The following IL1RAPL1 variants were observed in gnomAD, a reference collection of about 807,000 sequenced individuals.
IL1RAPL1 encodes interleukin 1 receptor accessory protein like 1.
In IL1RAPL1, 3 loss-of-function variants were observed where a neutral mutation model predicts 48.4. The ratio of observed to expected loss-of-function variants is 0.06; its 90% CI spans 0.03 to 0.16. IL1RAPL1 has a LOEUF of 0.16. Among genes scored for constraint, IL1RAPL1 ranks in the 10% least tolerant of loss-of-function variants. The pLI, the probability that IL1RAPL1 is intolerant of heterozygous loss-of-function variation, is 1.00. For missense variants in IL1RAPL1, 349 were observed against 530.6 expected, an observed-to-expected ratio of 0.66 and a Z score of 3.36; for synonymous variants, 185 against 187.7, an observed-to-expected ratio of 0.99 and a Z score of 0.12.
chrX:29,185,682 G>A (rs1005458360), intron 2 of IL1RAPL1, among the ~76,000 whole-genome samples: 1 of 111,722 alleles, frequency 9.0e-6, no homozygotes, highest in Non-Finnish European at 1.9e-5. Context: ...CTACAAACCT[G>A]GATGTCAAGG....
intron 6 of IL1RAPL1, among the ~76,000 whole-genome samples, chrX:29,851,465 A>G (rs927766136): frequency 8.9e-6 from 1 of 112,239 alleles, no homozygotes; most frequent in Non-Finnish European, 1.9e-5. Context: ...AGGCCACTGA[A>G]ATAATGTAGA....
At chrX:29,616,474 C>A (rs1198661583) in intron 5 of IL1RAPL1, among the ~76,000 whole-genome samples, 3 of 92,990 alleles carry the variant, frequency 3.2e-5, no homozygotes, top group Non-Finnish European at 6.4e-5. Flanking sequence ...TGCCATCCCT[C>A]CCCCCTCCCC....
chrX:29,445,970 T>C (rs1934607013), intron 5 of IL1RAPL1, among the ~76,000 whole-genome samples: 1 of 111,754 alleles, frequency 8.9e-6, no homozygotes, highest in South Asian at 3.7e-4. Flanking sequence ...GAAAACCACA[T>C]GATATATTTT....
intron 2 of IL1RAPL1, among the ~76,000 whole-genome samples, chrX:29,056,387 C>T (rs779117608): frequency 4.5e-5 from 5 of 111,388 alleles, no homozygotes; most frequent in African/African-American, 1.6e-4. Context: ...TTGTCATATG[C>T]ATTCTTCTGT....
chrX:28,906,417 G>A (rs1251237996), intron 2 of IL1RAPL1, among the ~76,000 whole-genome samples: 1 of 111,983 alleles, frequency 8.9e-6, no homozygotes, highest in African/African-American at 3.2e-5. Context: ...GTGGGAGTGT[G>A]GTAGGAGATC....
chrX:29,574,161 C>A, intron 5 of IL1RAPL1: 1 of 112,368 alleles, frequency 8.9e-6, no homozygotes, highest in South Asian at 3.6e-4. Flanking sequence ...GCAAACATGT[C>A]CTATGTGGCT....
chrX:29,517,981 G>A (rs16988624), intron 5 of IL1RAPL1, among the ~76,000 whole-genome samples: 1 of 111,769 alleles, frequency 8.9e-6, no homozygotes, highest in Non-Finnish European at 1.9e-5. Flanking sequence ...AGAAGAGGAA[G>A]AGGAACCGTC....
At chrX:29,074,959 A>G (rs988980425) in intron 2 of IL1RAPL1, among the ~76,000 whole-genome samples, 23 of 112,457 alleles carry the variant, frequency 2.0e-4, no homozygotes, top group African/African-American at 7.1e-4. Flanking sequence ...CAGTTGGTTC[A>G]TCAGAGATTT....
rs148988874 is a variant in IL1RAPL1, at chrX:29,685,057, G to C, written c.778+16553G>C. Among the ~76,000 whole-genome samples the C allele has an allele frequency of 7.6e-4, 86 of 112,607 alleles. 1 individual carries two copies. In the East Asian group the frequency reaches 0.021, roughly 28 times the overall value. ...GCTAGTTATTGTTTGAGCATTTAAA[G>C]TTAAAAACTATGTAGACATTAGTAA... On this transcript the variant is annotated intron_variant, in intron 6 of 10. Coordinates refer to ENST00000378993, the MANE Select transcript of IL1RAPL1 (RefSeq NM_014271.4).
In IL1RAPL1 at chrX:28,781,668, A is replaced by G. The variant is rs545643353; in HGVS notation, c.-24-7652A>G. Among the ~76,000 whole-genome samples, 19 of 111,197 alleles carry G rather than the reference A, an allele frequency of 1.7e-4. No homozygotes were observed. In the South Asian group the frequency reaches 4.2e-3, roughly 24 times the overall value. Reference sequence around the variant, plus strand: ...TTTATAGGCCCCACCCAAACTTAAAAGAAGACAATTCTACAGGGTGTGGAC... The same window carrying G: ...TTTATAGGCCCCACCCAAACTTAAAGGAAGACAATTCTACAGGGTGTGGAC... On this transcript the variant is annotated intron_variant, in intron 1 of 10. Transcript: ENST00000378993.
intron 2 of IL1RAPL1, among the ~76,000 whole-genome samples, chrX:29,271,926 T>C (rs952036230): frequency 5.7e-4 from 64 of 111,967 alleles, no homozygotes; most frequent in African/African-American, 2.1e-3. Flanking sequence ...CCCATTTGTT[T>C]ACTTTTGCTT....
intron 5 of IL1RAPL1, among the ~76,000 whole-genome samples, chrX:29,636,547 C>T (rs1924970906): frequency 9.0e-6 from 1 of 111,699 alleles, no homozygotes; most frequent in South Asian, 3.7e-4. Flanking sequence ...CATTCTAGGA[C>T]ACCTTTGAAC....
chrX:29,029,088 G>A (rs765275627), intron 2 of IL1RAPL1, among the ~76,000 whole-genome samples: 1 of 111,586 alleles, frequency 9.0e-6, no homozygotes, highest in South Asian at 3.8e-4. Context: ...AGAAGTGCCA[G>A]CAGGGGAAAT....
chrX:29,390,505 G>A (rs928774810), intron 3 of IL1RAPL1, among the ~76,000 whole-genome samples: 1 of 111,482 alleles, frequency 9.0e-6, no homozygotes, highest in African/African-American at 3.3e-5. Flanking sequence ...GGAAAAGATT[G>A]CCAAACATTA....
chrX:29,685,848 G>C (rs1295085209), intron 6 of IL1RAPL1, among the ~76,000 whole-genome samples: 1 of 94,136 alleles, frequency 1.1e-5, no homozygotes, highest in African/African-American at 5.5e-5. Flanking sequence ...AGTCAGGCAT[G>C]GTGGTGGGTG....
At chrX:29,334,980 G>C (rs1485639839) in intron 3 of IL1RAPL1, among the ~76,000 whole-genome samples, 5 of 112,543 alleles carry the variant, frequency 4.4e-5, no homozygotes, top group African/African-American at 1.6e-4. Flanking sequence ...CTCCAGCCTG[G>C]GCACCATTGA....
intron 2 of IL1RAPL1, among the ~76,000 whole-genome samples, chrX:29,103,533 G>A (rs909267065): frequency 4.5e-5 from 5 of 111,495 alleles, no homozygotes; most frequent in Admixed American, 2.9e-4. Context: ...AGAAAACACT[G>A]GGGAAACTCT....
chrX:29,240,193 C>CAT (rs1931381463), intron 2 of IL1RAPL1, among the ~76,000 whole-genome samples: 6 of 36,636 alleles, frequency 1.6e-4, no homozygotes, highest in African/African-American at 5.4e-4. Flanking sequence ...TACACACACA[C>CAT]ACATATATAT....
chrX:28,721,992 C>T (rs895981390), intron 1 of IL1RAPL1, among the ~76,000 whole-genome samples: 3 of 111,761 alleles, frequency 2.7e-5, no homozygotes, highest in African/African-American at 9.8e-5. Context: ...GTTTTGGTTA[C>T]TGTAGCCTTG....
Sources: allele counts gnomAD v4.1 joint callset (sites outside exome capture counted in the v4.1 genomes callset), GRCh38; gene constraint gnomAD v4.1.1; transcripts MANE v1.5; gene names NCBI Gene and HGNC (gene_info 2026-07-23, HGNC 2026-07-21).